Variants in ERC1 observed in about 807,000 individuals in gnomAD.
ERC1 encodes ELKS/RAB6-interacting/CAST family member 1, also known as RAB6 interacting protein 2.
In ERC1, 56 loss-of-function variants were observed where a neutral mutation model predicts 132.0. That is an observed-to-expected ratio of 0.42 (90% CI 0.34 to 0.53). The LOEUF is 0.53. Among genes scored for constraint, ERC1 ranks in the 20% least tolerant of loss-of-function variants. The probability of loss-of-function intolerance (pLI) is 0.03; values close to 1 mark genes in which losing one functional copy is unlikely to be tolerated. For synonymous variants in ERC1, 478 were observed against 476.1 expected (o/e 1.00, Z -0.05); for missense variants, 1,202 against 1,349.9 (o/e 0.89, Z 1.72).
At chr12:1,317,904 A>G (rs2081879424) in intron 15 of ERC1, among the ~76,000 whole-genome samples, 1 of 152,204 alleles carries the variant, frequency 6.6e-6, no homozygotes, top group Non-Finnish European at 1.5e-5. Flanking sequence ...CTTCTTCTAT[A>G]GTTTCTCATA....
intron 13 of ERC1, among the ~76,000 whole-genome samples, chr12:1,248,492 A>G (rs2076286069): frequency 6.6e-6 from 1 of 152,216 alleles, no homozygotes; most frequent in Admixed American, 6.5e-5. Context: ...CCTTATAAAA[A>G]GTGGAGAAGA....
chr12:1,182,068 TA>T lies in ERC1; in HGVS notation c.2016+5del, dbSNP rs1164489952. On this transcript the variant is annotated splice_donor_region_variant and intron_variant, in intron 10 of 18. Transcript: ENST00000360905. The stretch of plus-strand genomic sequence containing the variant: ...AAGGCGACCTTTCAGAGAAAGAGGT[TA>T]AGCTCCCCAAAATGGAATTAGTTTG... 2 of 1,613,266 alleles carry T rather than the reference TA, an allele frequency of 1.2e-6. No individual in the cohort carries two copies. Among genetic ancestry groups the T allele is most frequent in the Non-Finnish European group, 1.7e-6 (2 of 1,179,626 alleles).
chr12:1,438,969 AT>A (rs1369816678), intron 17 of ERC1, among the ~76,000 whole-genome samples: 8 of 145,584 alleles, frequency 5.5e-5, no homozygotes, highest in Non-Finnish European at 1.0e-4. Context: ...ATATATATAT[AT>A]AAAAAATGAC....
chr12:1,016,892 C>G (rs1965612537), intron 1 of ERC1, among the ~76,000 whole-genome samples: 4 of 152,148 alleles, frequency 2.6e-5, no homozygotes, highest in Admixed American at 2.6e-4. Context: ...CTCAAGTGAT[C>G]TGCCTGCCTT....
intron 8 of ERC1, among the ~76,000 whole-genome samples, chr12:1,148,694 C>T (rs912938234): frequency 5.9e-5 from 9 of 152,124 alleles, no homozygotes; most frequent in Non-Finnish European, 5.9e-5. Context: ...CTCCGCCTCC[C>T]GGGTTCAAGT....
At chr12:1,155,596 C>T (rs1951309215) in intron 8 of ERC1, among the ~76,000 whole-genome samples, 1 of 152,068 alleles carries the variant, frequency 6.6e-6, no homozygotes, top group African/African-American at 2.4e-5. Context: ...CCTGCCTCAG[C>T]TTCCTGAGTA....
At chr12:994,043 T>C (rs1442136134) in intron 1 of ERC1, among the ~76,000 whole-genome samples, 1 of 117,936 alleles carries the variant, frequency 8.5e-6, no homozygotes, top group African/African-American at 3.2e-5. Flanking sequence ...CACTCCAGCC[T>C]GAGTCACGGC....
At chr12:1,449,207 T>TA (rs1330990248) in intron 18 of ERC1, among the ~76,000 whole-genome samples, 1 of 152,218 alleles carries the variant, frequency 6.6e-6, no homozygotes, top group Non-Finnish European at 1.5e-5. Context: ...TACAGGCTTA[T>TA]AGGCAGAAGG....
At chr12:1,114,957 C>T (rs12297076) in intron 6 of ERC1, among the ~76,000 whole-genome samples, 39,128 of 152,040 alleles carry the variant, frequency 0.26, 5,288 homozygotes, top group African/African-American at 0.33. Context: ...AAAGCTTTAT[C>T]CCTTATACCT....
At chr12:1,399,827 A>G (rs1052778746) in intron 16 of ERC1, among the ~76,000 whole-genome samples, 5 of 152,240 alleles carry the variant, frequency 3.3e-5, no homozygotes, top group African/African-American at 9.6e-5. Flanking sequence ...TTTGACTATA[A>G]TAAATAATGA....
chr12:1,173,825 A>G (rs1413988003), intron 8 of ERC1, among the ~76,000 whole-genome samples: 1 of 152,254 alleles, frequency 6.6e-6, no homozygotes, highest in Non-Finnish European at 1.5e-5. Context: ...TCACAACGAA[A>G]GTGAGGATAT....
At chr12:1,139,684 TAGTAA>T (rs1949687206) in intron 7 of ERC1, among the ~76,000 whole-genome samples, 2 of 150,684 alleles carry the variant, frequency 1.3e-5, no homozygotes, top group African/African-American at 4.9e-5. Flanking sequence ...AGAAATAAAG[TAGTAA>T]AGTAAAACAG....
chr12:1,044,977 C>G (rs780150959), intron 2 of ERC1, among the ~76,000 whole-genome samples: 3 of 152,042 alleles, frequency 2.0e-5, no homozygotes, highest in Non-Finnish European at 2.9e-5. Context: ...TTTTATTGCT[C>G]TATTTTCTTT....
At chr12:1,188,236 C>T (rs1216421105) in intron 11 of ERC1, among the ~76,000 whole-genome samples, 1 of 152,156 alleles carries the variant, frequency 6.6e-6, no homozygotes, top group African/African-American at 2.4e-5. Context: ...TCAGTTACTT[C>T]TGCTTTTGTT....
intron 2 of ERC1, among the ~76,000 whole-genome samples, chr12:1,040,850 A>G (rs1334758080): frequency 6.6e-6 from 1 of 152,154 alleles, no homozygotes; most frequent in Non-Finnish European, 1.5e-5. Flanking sequence ...ACAGTGTACC[A>G]TCTCTTACCG....
intron 12 of ERC1, among the ~76,000 whole-genome samples, chr12:1,236,156 A>G (rs2075400408): frequency 6.6e-6 from 1 of 152,206 alleles, no homozygotes; most frequent in South Asian, 2.1e-4. Flanking sequence ...AAACAATAAT[A>G]AAAGCAAAGG....
chr12:1,022,654 T>C (rs1004674193), intron 1 of ERC1, among the ~76,000 whole-genome samples: 1 of 152,186 alleles, frequency 6.6e-6, no homozygotes, highest in African/African-American at 2.4e-5. Context: ...TAGTGAGTGC[T>C]CACGAGATCG....
intron 17 of ERC1, among the ~76,000 whole-genome samples, chr12:1,424,828 TA>T (rs1328299086): frequency 0.015 from 2,021 of 136,634 alleles, 28 homozygotes; most frequent in Non-Finnish European, 0.02. Context: ...GATAGATAGA[TA>T]GATAGATAGA....
intron 13 of ERC1, among the ~76,000 whole-genome samples, chr12:1,254,718 G>A (rs1179116865): frequency 6.6e-6 from 1 of 152,030 alleles, no homozygotes; most frequent in Admixed American, 6.6e-5. Context: ...TCACCATGTT[G>A]GCCAGGCTGG....
Sources: gnomAD v4.1 joint callset for allele counts (sites outside exome capture counted in the v4.1 genomes callset) on GRCh38, gnomAD v4.1.1 for gene constraint, MANE v1.5 for transcripts, NCBI Gene and HGNC (gene_info 2026-07-23, HGNC 2026-07-21) for gene names.